Variants in SV2C observed in about 807,000 individuals in gnomAD.
SV2C encodes the protein solute carrier family 22 member B3.
SV2C carries 49 observed loss-of-function variants against 79.7 expected under a neutral mutation model. That is an observed-to-expected ratio of 0.61 (90% confidence interval 0.49 to 0.78). The LOEUF is 0.78. Ranked by LOEUF, SV2C falls within the 30% of genes least tolerant of loss-of-function variation. The probability of loss-of-function intolerance (pLI) is 0.00; values close to 1 mark genes in which losing one functional copy is unlikely to be tolerated. For missense variants in SV2C, 833 were observed against 912.9 expected, an observed-to-expected ratio of 0.91 and a Z score of 1.13; for synonymous variants, 334 against 333.2, an observed-to-expected ratio of 1.00 and a Z score of -0.03.
intron 2 of SV2C, among the ~76,000 whole-genome samples, chr5:76,173,331 T>C (rs1218709298): frequency 6.6e-6 from 1 of 151,942 alleles, no homozygotes. Context: ...ACCATTTTCA[T>C]ACATGTACAA....
the SV2C span, among the ~76,000 whole-genome samples, chr5:76,049,033 AG>A: frequency 8.6e-6 from 1 of 116,216 alleles, no homozygotes; most frequent in Non-Finnish European, 1.8e-5. Flanking sequence ...GAAAAAGAAA[AG>A]AGGGAGGGAG....
intron 8 of SV2C, among the ~76,000 whole-genome samples, chr5:76,293,776 G>C (rs998670638): frequency 6.6e-6 from 1 of 152,142 alleles, no homozygotes; most frequent in African/African-American, 2.4e-5. Context: ...CTTTCTATGT[G>C]CTAGGTACTT....
chr5:75,909,954 C>G, the SV2C span, among the ~76,000 whole-genome samples: 1 of 152,212 alleles, frequency 6.6e-6, no homozygotes, highest in Non-Finnish European at 1.5e-5. Context: ...ATAAGTTTGT[C>G]CTGCCCAGTA....
intron 1 of SV2C, among the ~76,000 whole-genome samples, chr5:76,099,931 G>A (rs146107621): frequency 6.6e-6 from 1 of 152,186 alleles, no homozygotes; most frequent in Non-Finnish European, 1.5e-5. Flanking sequence ...GTTGTGGTTA[G>A]ATGTAAATTC....
the SV2C span, among the ~76,000 whole-genome samples, chr5:75,907,412 T>A: frequency 6.6e-6 from 1 of 152,180 alleles, no homozygotes; most frequent in East Asian, 1.9e-4. Context: ...GCCAGTAATG[T>A]GAACTTCACT....
At chr5:76,232,514 A>G (rs1745456789) in intron 4 of SV2C, among the ~76,000 whole-genome samples, 1 of 148,408 alleles carries the variant, frequency 6.7e-6, no homozygotes. Flanking sequence ...GTCCTTGCCC[A>G]TGCCTATGTC....
the SV2C span, among the ~76,000 whole-genome samples, chr5:75,970,861 G>T: frequency 6.6e-6 from 1 of 152,036 alleles, no homozygotes; most frequent in African/African-American, 2.4e-5. Context: ...GCCTGGCAGA[G>T]ACACAACCAA....
chr5:75,884,350 T>C, the SV2C span, among the ~76,000 whole-genome samples: 1 of 152,194 alleles, frequency 6.6e-6, no homozygotes. Context: ...ATATTACTGA[T>C]ATCAAACTGT....
the SV2C span, among the ~76,000 whole-genome samples, chr5:76,013,612 T>G: frequency 6.6e-6 from 1 of 152,284 alleles, no homozygotes; most frequent in Non-Finnish European, 1.5e-5. Flanking sequence ...TTCTGTTGCC[T>G]GATTGCCCTG....
At chr5:76,034,769 G>C in the SV2C span, among the ~76,000 whole-genome samples, 1 of 152,202 alleles carries the variant, frequency 6.6e-6, no homozygotes. Context: ...CTCATCAAAT[G>C]AGTTAAGGAG....
the SV2C span, among the ~76,000 whole-genome samples, chr5:76,009,991 G>GTTTT: frequency 6.1e-3 from 684 of 112,580 alleles, 3 homozygotes; most frequent in African/African-American, 7.1e-3. Context: ...TATCTATTTT[G>GTTTT]TTTTTTTTTT....
chr5:76,205,001 G>T (rs1744568075), intron 3 of SV2C, among the ~76,000 whole-genome samples: 1 of 152,228 alleles, frequency 6.6e-6, no homozygotes, highest in South Asian at 2.1e-4. Flanking sequence ...GAGAAATTTG[G>T]TCTGTAATGC....
chr5:76,141,632 T>C (rs1488288312), intron 2 of SV2C, among the ~76,000 whole-genome samples: 1 of 151,998 alleles, frequency 6.6e-6, no homozygotes, highest in Non-Finnish European at 1.5e-5. Flanking sequence ...AAGACCAGCC[T>C]GGCCAACATG....
intron 1 of SV2C, among the ~76,000 whole-genome samples, chr5:76,127,923 C>A (rs770888960): frequency 1.3e-5 from 2 of 152,168 alleles, no homozygotes; most frequent in Non-Finnish European, 2.9e-5. Context: ...CGCTCCCTCC[C>A]GCCCTGCTCC....
At chr5:75,983,266 T>C in the SV2C span, among the ~76,000 whole-genome samples, 1 of 152,130 alleles carries the variant, frequency 6.6e-6, no homozygotes, top group African/African-American at 2.4e-5. Context: ...AATCTGCGTG[T>C]CACTCGGGAC....
the SV2C span, among the ~76,000 whole-genome samples, chr5:75,932,715 G>T: frequency 6.6e-6 from 1 of 152,178 alleles, no homozygotes. Flanking sequence ...GGCGGGCCAG[G>T]TTTTCCTTGC....
At chr5:76,196,933 G>A (rs989735459) in intron 3 of SV2C, among the ~76,000 whole-genome samples, 2 of 152,158 alleles carry the variant, frequency 1.3e-5, no homozygotes, top group Non-Finnish European at 2.9e-5. Context: ...GAATTCAAGG[G>A]CAACATAAAA....
At chr5:76,195,678 A>T (rs552890968) in intron 3 of SV2C, among the ~76,000 whole-genome samples, 5 of 152,360 alleles carry the variant, frequency 3.3e-5, no homozygotes, top group African/African-American at 1.2e-4. Context: ...AAGAGCTTAA[A>T]GCACTTATAA....
the SV2C span, among the ~76,000 whole-genome samples, chr5:75,892,365 C>A: frequency 6.6e-6 from 1 of 151,916 alleles, no homozygotes; most frequent in Admixed American, 6.6e-5. Context: ...CTGAGTACAA[C>A]ACATTTTTTT....
Sources: allele counts gnomAD v4.1 joint callset (sites outside exome capture counted in the v4.1 genomes callset), GRCh38; gene constraint gnomAD v4.1.1; transcripts MANE v1.5; gene names NCBI Gene and HGNC (gene_info 2026-07-23, HGNC 2026-07-21).